MDC1: variants seen among roughly 807,000 people sequenced by gnomAD.
The protein encoded by MDC1 is mediator of DNA damage checkpoint 1, also known as mediator of DNA damage checkpoint protein 1.
Under a neutral mutation model 142.5 loss-of-function variants are expected in MDC1, and 81 were observed. That is an observed-to-expected ratio of 0.57 (90% CI 0.47 to 0.68). The LOEUF (loss-of-function observed/expected upper bound fraction) is 0.68. MDC1 is among the 30% of genes least tolerant of loss of function. The pLI, the probability that MDC1 is intolerant of heterozygous loss-of-function variation, is 0.00. For synonymous variants in MDC1, 797 were observed against 968.4 expected, an observed-to-expected ratio of 0.82 and a Z score of 3.29; for missense variants, 2,119 against 2,547.9, an observed-to-expected ratio of 0.83 and a Z score of 3.62.
chr6:30,710,921 A>G (rs1444939358), intron 7 of MDC1, among the ~76,000 whole-genome samples: 2 of 151,772 alleles, frequency 1.3e-5, no homozygotes, highest in Non-Finnish European at 2.9e-5. Flanking sequence ...ATGCTGGGCT[A>G]ATTTTTTCAT....
In MDC1 at chr6:30,705,876, G is replaced by A. The variant is rs1773707829; in HGVS notation, c.3307C>T (p.Pro1103Ser). ...PLSSELEPFH[P>S]KPKIRTRKSS... Reference sequence around the variant, plus strand: ...TTCCGAGTTCTAATTTTAGGCTTTGGGTGGAAAGGCTCCAGCTCTGAGGAC... The same window carrying A: ...TTCCGAGTTCTAATTTTAGGCTTTGAGTGGAAAGGCTCCAGCTCTGAGGAC... The change falls in exon 10 of 15, where the codon CCA becomes TCA. Residue 1103 changes from proline to serine, a missense_variant. Coordinates refer to ENST00000376406, the MANE Select transcript of MDC1 (RefSeq NM_014641.3). 1.2e-6 allele frequency: 2 copies of A among 1,611,260 alleles called. No homozygotes were observed. The highest frequency in any genetic ancestry group is 1.7e-6 in the Non-Finnish European group (2 of 1,178,676).
chr6:30,700,503 C>A lies in MDC1; in HGVS notation c.6232G>T (p.Ala2078Ser). Residue 2078 changes from alanine to serine, a missense_variant, in exon 15 of 15, where the codon GCC (alanine) becomes TCC (serine). Coordinates refer to ENST00000376406, the MANE Select transcript of MDC1 (RefSeq NM_014641.3). Reference protein sequence around the residue: ...GVLKQEAKPEAFVLSPLEMSS... With the variant: ...GVLKQEAKPESFVLSPLEMSS... ...ATCTCCAAAGGGGAGAGGACAAAGG[C>A]CTCTGGCTTGGCTTCCTGCTTCAGC... is the stretch of plus-strand genomic sequence containing the variant. The A allele has an allele frequency of 6.2e-7, 1 of 1,612,930 alleles. No homozygotes were observed. Among genetic ancestry groups the A allele is most frequent in the Non-Finnish European group, 8.5e-7 (1 of 1,179,996 alleles).
rs141968634 is a variant in MDC1 at position 30,712,930 on chromosome 6, T to A, written c.1012A>T (p.Ile338Phe). The A allele has an allele frequency of 3.7e-6, 6 of 1,612,972 alleles. No homozygotes were observed. The African/African-American group carries it at 5.3e-5, about 14-fold the overall frequency. ...GGAATGACAACTGGGGTTGCTGGGATCCTCTCTTCTTCCGCATCAGTGTCG... is the reference window on the plus strand; with the variant it reads ...GGAATGACAACTGGGGTTGCTGGGAACCTCTCTTCTTCCGCATCAGTGTCG... ...DSDTDAEEERIPATPVVIPMK... is the reference protein window; with the variant it reads ...DSDTDAEEERFPATPVVIPMK... Residue 338 changes from isoleucine to phenylalanine, a missense_variant, in exon 5 of 15, where the codon ATC becomes TTC. Transcript: ENST00000376406. The surrounding 1 kb of genome is among the most constrained non-coding windows in gnomAD (Gnocchi z 4.7).
chr6:30,711,851 T>A (rs3094093), intron 5 of MDC1, 23 bp downstream of exon 5: 1,445,574 of 1,539,230 alleles, frequency 0.94, 679,468 homozygotes, highest in East Asian at 1. Flanking sequence ...TTCAGAGGTC[T>A]AGGAAGGAAG....
intron 9 of MDC1, among the ~76,000 whole-genome samples, chr6:30,706,620 T>TAA (rs9278748): frequency 1.6e-4 from 7 of 42,802 alleles, no homozygotes; most frequent in African/African-American, 5.6e-4. Context: ...AGACTCTGTC[T>TAA]AAAAAAAAAA....
rs140235775 is a variant in MDC1 at position 30,700,975 on chromosome 6, G to A, written c.6103-343C>T. Among the ~76,000 whole-genome samples the A allele has an allele frequency of 2.5e-3, 369 of 149,946 alleles. 1 individual carries two copies. Among genetic ancestry groups the A allele is most frequent in the African/African-American group, 8.6e-3 (353 of 40,814 alleles). ...GTCGTCCCAGCTACTCGGGAGGCTG[G>A]GGCAGGAGAATGGCGTGAAAACCCA... On this transcript the variant is annotated intron_variant, in intron 14 of 14. Transcript: ENST00000376406.
Position 30,711,884 on chromosome 6 carries a change from G to T in MDC1, c.2058C>A (p.Asp686Glu). ...AAGGCCAGCACTTACCACCATAGTT[G>T]TCTTCAGAGTCCTTGGTCCCACCCA... The part of the protein sequence containing the change: ...QHVGGTKDSE[D>E]NYGDSEDLDL... The change falls in exon 5 of 15, where the codon GAC becomes GAA. Residue 686 changes from aspartate to glutamate, a missense_variant. Transcript: ENST00000376406. 6.5e-7 allele frequency: 1 copy of T among 1,531,606 alleles called. No individual in the cohort carries two copies. Among genetic ancestry groups the T allele is most frequent in the Non-Finnish European group, 8.8e-7 (1 of 1,140,802 alleles). The allele number at this position is 1,531,606 out of a possible 1,614,324, so 94.9% of individuals were successfully genotyped here.
At position 30,712,785 on chromosome 6, in the gene MDC1, G is replaced by C; in HGVS notation, c.1157C>G (p.Pro386Arg). 6.2e-7 allele frequency: 1 copy of C among 1,612,906 alleles called. No homozygotes were observed. Among genetic ancestry groups the C allele is most frequent in the Non-Finnish European group, 8.5e-7 (1 of 1,179,958 alleles). The change falls in exon 5 of 15, where the codon CCA becomes CGA. Residue 386 changes from proline (P) to arginine (R), a missense_variant. Transcript: ENST00000376406. The surrounding 1 kb of genome is among the most constrained non-coding windows in gnomAD (Gnocchi z 4.7). The stretch of plus-strand genomic sequence containing the variant: ...GCTTTTCTCCAGAGGGACAGCCTGT[G>C]GGGCCTTGCCTTCTTCCACATCTGT... ...SDTDVEEGKA[P>R]QAVPLEKSQA...
At chr6:30,706,619 CTAAAAA>C (rs1562100885) in intron 9 of MDC1, among the ~76,000 whole-genome samples, 3 of 40,482 alleles carry the variant, frequency 7.4e-5, no homozygotes, top group Admixed American at 3.6e-4. Flanking sequence ...AAGACTCTGT[CTAAAAA>C]AAAAAAAAAA....
Position 30,713,245 on chromosome 6 carries a change from C to A in MDC1, c.697G>T (p.Ala233Ser), listed in dbSNP as rs1775183000. The A allele has an allele frequency of 9.9e-6, 16 of 1,613,114 alleles. No homozygotes were observed. Among genetic ancestry groups the A allele is most frequent in the Non-Finnish European group, 1.3e-5 (15 of 1,180,034 alleles). ...GCACCTCTTCTGGCAGCTGAGGAGG[C>A]CTCCTCTGTGGCTGGTTGCTGACCT... ...EEGQQPATEE[A>S]SSAARRGATV... is the part of the protein sequence containing the mutation. Residue 233 changes from alanine to serine, a missense_variant, in exon 5 of 15, where the codon GCC (alanine) becomes TCC (serine). By Grantham distance (99) the Ala-to-Ser change is moderately conservative. Coordinates refer to ENST00000376406, the MANE Select transcript of MDC1 (RefSeq NM_014641.3). This position sits in a 1 kb window ranked among gnomAD's most constrained non-coding sequence, Gnocchi z 4.9.
chr6:30,704,455 A>G lies in MDC1; in HGVS notation c.4728T>C (p.Pro1576=). Reference sequence around the variant, plus strand: ...TTCTGGAGGTGGAAGGCTGAAGCTCAGGGGCTATAGGGACAATTGATTCAG... The same window carrying G: ...TTCTGGAGGTGGAAGGCTGAAGCTCGGGGGCTATAGGGACAATTGATTCAG... ...KTPESIVPIA[P]ELQPSTSRNQ... is the part of the protein sequence containing the mutation. The change falls in exon 10 of 15, where the codon CCT becomes CCC. Residue 1576 remains proline (P), a synonymous_variant. Transcript: ENST00000376406. The G allele has an allele frequency of 6.2e-7, 1 of 1,612,254 alleles. No individual in the cohort carries two copies. The highest frequency in any genetic ancestry group is 8.5e-7 in the Non-Finnish European group (1 of 1,179,402).
Position 30,705,584 on chromosome 6 carries a change from T to G in MDC1, c.3599A>C (p.Glu1200Ala). 6.2e-7 allele frequency: 1 copy of G among 1,607,044 alleles called. No individual in the cohort carries two copies. Among genetic ancestry groups the G allele is most frequent in the Non-Finnish European group, 8.5e-7 (1 of 1,177,092 alleles). ...CTCAAGGGCTGTGGGCACAACTGTT[T>G]CAGGGGTCTTGACAGAGGATCTACT... Reference protein sequence around the residue: ...RKSRSSVKTPETVVPTALELQ... With the variant: ...RKSRSSVKTPATVVPTALELQ... The change falls in exon 10 of 15, where the codon GAA becomes GCA. Residue 1200 changes from glutamate to alanine, a missense_variant. Glu to Ala is a moderately radical substitution (Grantham distance 107). Coordinates refer to ENST00000376406, the MANE Select transcript of MDC1 (RefSeq NM_014641.3).
Position 30,700,551 on chromosome 6 carries a change from G to C in MDC1, c.6184C>G (p.Pro2062Ala). The change falls in exon 15 of 15, where the codon CCT becomes GCT. Residue 2062 changes from proline (P) to alanine (A), a missense_variant. Physicochemically the swap from Pro to Ala is conservative, Grantham distance 27. Coordinates refer to ENST00000376406, the MANE Select transcript of MDC1 (RefSeq NM_014641.3). The part of the protein sequence containing the change: ...PLRVGLPLLS[P>A]EFLLTGVLKQ... Reference sequence around the variant, plus strand: ...AGCACTCCAGTCAGCAGGAACTCAGGCGAGAGGAGGGGCAGCCCAACCCGT... The same window carrying C: ...AGCACTCCAGTCAGCAGGAACTCAGCCGAGAGGAGGGGCAGCCCAACCCGT... The C allele has an allele frequency of 6.2e-7, 1 of 1,612,990 alleles. No individual in the cohort carries two copies. Among genetic ancestry groups the C allele is most frequent in the Non-Finnish European group, 8.5e-7 (1 of 1,180,010 alleles).
chr6:30,704,043 G>T lies in MDC1; in HGVS notation c.5140C>A (p.Pro1714Thr), dbSNP rs773298044. The T allele has an allele frequency of 6.2e-7, 1 of 1,614,160 alleles. No individual in the cohort carries two copies. Among genetic ancestry groups the T allele is most frequent in the East Asian group, 2.2e-5 (1 of 44,892 alleles). The change falls in exon 10 of 15, where the codon CCT becomes ACT. Residue 1714 changes from proline (P) to threonine (T), a missense_variant. By Grantham distance (38) the Pro-to-Thr change is conservative. Transcript: ENST00000376406. ...VTTDQPISPE[P>T]ITQPSCIKRQ... Reference sequence around the variant, plus strand: ...TTGATGCAACTGGGTTGAGTAATAGGCTCAGGGGAAATAGGCTGGTCTGTG... The same window carrying T: ...TTGATGCAACTGGGTTGAGTAATAGTCTCAGGGGAAATAGGCTGGTCTGTG...
chr6:30,716,508 G>C lies in MDC1; in HGVS notation c.-4+737C>G, dbSNP rs980985284. On this transcript the variant is annotated intron_variant, in intron 1 of 14. Coordinates refer to ENST00000376406, the MANE Select transcript of MDC1 (RefSeq NM_014641.3). The surrounding 1 kb of genome is among the most constrained non-coding windows in gnomAD (Gnocchi z 4.4). ...ATTACAGCAGTGAGCAACCGCGCCC[G>C]GCCTCAAATGTCACTTTCTCAGCAA... Among the ~76,000 whole-genome samples the C allele has an allele frequency of 3.9e-5, 6 of 152,246 alleles. No homozygotes were observed. The highest frequency in any genetic ancestry group is 1.4e-4 in the African/African-American group (6 of 41,548).
chr6:30,714,666 C>A (rs1775409661), intron 2 of MDC1, among the ~76,000 whole-genome samples: 1 of 151,984 alleles, frequency 6.6e-6, no homozygotes, highest in South Asian at 2.1e-4. Context: ...GTGAAATGAA[C>A]CACCACACCT....
rs555826318 is a variant in MDC1 at position 30,706,040 on chromosome 6, G to T, written c.3143C>A (p.Pro1048Gln). 1.1e-4 allele frequency: 175 copies of T among 1,602,358 alleles called. 2 individuals carry two copies. In the South Asian group the frequency reaches 1.9e-3, roughly 17 times the overall value. ...CTGAGAGTTAAGGGGCTTTTGGGGT[G>T]GGGCTGGGGCTTCAGGTACTGTAGG... is the stretch of plus-strand genomic sequence containing the variant. ...LPPTVPEAPA[P>Q]PQKPLNSQSQ... Residue 1048 changes from proline to glutamine, a missense_variant, in exon 10 of 15, where the codon CCA (proline) becomes CAA (glutamine). Pro to Gln is a moderately conservative substitution (Grantham distance 76, BLOSUM62 -1). Transcript: ENST00000376406.
Position 30,700,336 on chromosome 6 carries a change from G to T in MDC1, c.*129C>A. The T allele has an allele frequency of 1.1e-6, 1 of 943,078 alleles. No homozygotes were observed. Among genetic ancestry groups the T allele is most frequent in the Non-Finnish European group, 1.5e-6 (1 of 671,026 alleles). The allele number at this position is 943,078 out of a possible 1,614,324, so 58.4% of individuals were successfully genotyped here. On this transcript the variant is annotated 3_prime_UTR_variant, in exon 15 of 15. Coordinates refer to ENST00000376406, the MANE Select transcript of MDC1 (RefSeq NM_014641.3). Reference sequence around the variant, plus strand: ...CCTTATCTTTTCATTTATTCATAAAGATTTCTGGTCCCACCCATGTTCCAG... The same window carrying T: ...CCTTATCTTTTCATTTATTCATAAATATTTCTGGTCCCACCCATGTTCCAG...
Position 30,705,534 on chromosome 6 carries a change from G to T in MDC1, c.3649C>A (p.Arg1217=). 1 of 1,607,166 alleles carries T rather than the reference G, an allele frequency of 6.2e-7. No homozygotes were observed. Among genetic ancestry groups the T allele is most frequent in the Non-Finnish European group, 8.5e-7 (1 of 1,177,058 alleles). Residue 1217 remains arginine, a synonymous_variant, in exon 10 of 15, where the codon CGA becomes AGA. Coordinates refer to ENST00000376406, the MANE Select transcript of MDC1 (RefSeq NM_014641.3). ...LELQPSTSTD[R]PVTSEPTSQA... ...GAGGTGGGTTCAGAGGTGACAGGTC[G>T]GTCGGTGGAGGTGGAAGGCTGGAGC... is the stretch of plus-strand genomic sequence containing the variant.
Sources: gnomAD v4.1 joint callset for allele counts (sites outside exome capture counted in the v4.1 genomes callset) on GRCh38, gnomAD v4.1.1 for gene constraint, Gnocchi (gnomAD v3.1) non-coding constraint, MANE v1.5 for transcripts, NCBI Gene and HGNC (gene_info 2026-07-23, HGNC 2026-07-21) for gene names.